LINGO2: variants seen among roughly 807,000 people sequenced by gnomAD.
LINGO2 encodes the protein leucine rich repeat and Ig domain containing 2.
LINGO2 carries 14 observed loss-of-function variants against 30.6 expected under a neutral mutation model. The ratio of observed to expected loss-of-function variants is 0.46; its 90% CI spans 0.30 to 0.72. LINGO2 has a LOEUF of 0.72. LINGO2 is among the 30% of genes least tolerant of loss of function. The pLI is 0.07. For missense variants in LINGO2, 729 were observed against 751.7 expected, an observed-to-expected ratio of 0.97 and a Z score of 0.35; for synonymous variants, 317 against 288.5, an observed-to-expected ratio of 1.10 and a Z score of -1.00.
At chr9:28,139,228 A>C (rs1482019590) in intron 4 of LINGO2, among the ~76,000 whole-genome samples, 4 of 150,716 alleles carry the variant, frequency 2.7e-5, no homozygotes, top group Non-Finnish European at 5.9e-5. Flanking sequence ...CACCAGAGAC[A>C]TAACCCTGGC....
chr9:28,447,184 T>C (rs1444443505), intron 2 of LINGO2, among the ~76,000 whole-genome samples: 1 of 152,212 alleles, frequency 6.6e-6, no homozygotes, highest in Non-Finnish European at 1.5e-5. Flanking sequence ...CTTTTCATAA[T>C]TGCAACTGTT....
chr9:28,054,949 T>C (rs1824853613), intron 4 of LINGO2, among the ~76,000 whole-genome samples: 1 of 152,098 alleles, frequency 6.6e-6, no homozygotes, highest in Non-Finnish European at 1.5e-5. Flanking sequence ...ACAGTCTTCT[T>C]TCCTCTTAAA....
At chr9:28,451,687 A>T (rs1824653373) in intron 2 of LINGO2, among the ~76,000 whole-genome samples, 1 of 151,746 alleles carries the variant, frequency 6.6e-6, no homozygotes, top group Non-Finnish European at 1.5e-5. Context: ...AAATCTAAGT[A>T]TCTATGTTTG....
At chr9:28,773,091 C>T in the LINGO2 span, among the ~76,000 whole-genome samples, 3 of 152,166 alleles carry the variant, frequency 2.0e-5, no homozygotes, top group South Asian at 2.1e-4. Flanking sequence ...TACGGCCGGG[C>T]GCGGTGGCTC....
At chr9:28,221,078 T>A (rs904450449) in intron 4 of LINGO2, among the ~76,000 whole-genome samples, 1 of 151,994 alleles carries the variant, frequency 6.6e-6, no homozygotes, top group African/African-American at 2.4e-5. Flanking sequence ...GGCGGGTGGA[T>A]CACGAGGTCA....
chr9:29,043,105 G>A, the LINGO2 span, among the ~76,000 whole-genome samples: 2 of 151,838 alleles, frequency 1.3e-5, no homozygotes, highest in African/African-American at 4.8e-5. Context: ...AAAAACAACA[G>A]CAAGAAAAAG....
intron 4 of LINGO2, among the ~76,000 whole-genome samples, chr9:28,272,563 C>T (rs1379299206): frequency 6.6e-6 from 1 of 151,986 alleles, no homozygotes; most frequent in Non-Finnish European, 1.5e-5. Flanking sequence ...ACTCAATTTA[C>T]AAATCATTAG....
At chr9:28,503,513 C>A (rs552120389) in intron 1 of LINGO2, among the ~76,000 whole-genome samples, 1 of 151,812 alleles carries the variant, frequency 6.6e-6, no homozygotes, top group African/African-American at 2.4e-5. Context: ...CAAAAGGCTT[C>A]TTTTATTATT....
At chr9:28,814,121 A>C in the LINGO2 span, among the ~76,000 whole-genome samples, 1 of 152,318 alleles carries the variant, frequency 6.6e-6, no homozygotes, top group South Asian at 2.1e-4. Context: ...CCAGACTCAA[A>C]TCACACATGT....
At chr9:28,302,601 G>T (rs1033754802) in intron 3 of LINGO2, among the ~76,000 whole-genome samples, 1 of 152,142 alleles carries the variant, frequency 6.6e-6, no homozygotes, top group Non-Finnish European at 1.5e-5. Flanking sequence ...AACCCAGGAA[G>T]TTGTGGCTGT....
At chr9:28,410,421 C>T (rs1467579612) in intron 2 of LINGO2, among the ~76,000 whole-genome samples, 1 of 152,054 alleles carries the variant, frequency 6.6e-6, no homozygotes, top group Non-Finnish European at 1.5e-5. Context: ...ACTGCACAGG[C>T]ATAAAAATAA....
intron 5 of LINGO2, among the ~76,000 whole-genome samples, chr9:27,987,082 A>C (rs1291010232): frequency 1.6e-5 from 2 of 128,392 alleles, no homozygotes; most frequent in Non-Finnish European, 3.4e-5. Context: ...ACTTTTCTAC[A>C]TGTCAGTCAA....
chr9:28,054,789 TAA>T (rs1409758560), intron 4 of LINGO2, among the ~76,000 whole-genome samples: 2 of 139,692 alleles, frequency 1.4e-5, no homozygotes, highest in East Asian at 2.1e-4. Flanking sequence ...GGCTATAACT[TAA>T]TTTTTAATTT....
chr9:28,189,265 G>A (rs71480397), intron 4 of LINGO2, among the ~76,000 whole-genome samples: 3,162 of 57,168 alleles, frequency 0.055, 95 homozygotes, highest in Admixed American at 0.086. Flanking sequence ...GGAAGGAAGG[G>A]AGGGAGGAAG....
chr9:28,751,918 T>G, the LINGO2 span, among the ~76,000 whole-genome samples: 2 of 152,022 alleles, frequency 1.3e-5, no homozygotes, highest in Non-Finnish European at 2.9e-5. Flanking sequence ...CCTTTGCCTC[T>G]GACTCAAGAG....
At chr9:29,068,918 T>C in the LINGO2 span, among the ~76,000 whole-genome samples, 4 of 152,020 alleles carry the variant, frequency 2.6e-5, no homozygotes, top group South Asian at 8.3e-4. Context: ...GGGTAATATA[T>C]GTACTTGTTA....
chr9:28,189,050 A>G (rs1237536409), intron 4 of LINGO2, among the ~76,000 whole-genome samples: 1 of 71,194 alleles, frequency 1.4e-5, no homozygotes, highest in East Asian at 5.1e-4. Flanking sequence ...TGGAGGATAT[A>G]TCCCAGAAAA....
chr9:28,160,577 C>T (rs725469), intron 4 of LINGO2, among the ~76,000 whole-genome samples: 2 of 152,120 alleles, frequency 1.3e-5, no homozygotes, highest in African/African-American at 4.8e-5. Flanking sequence ...TCCTGCCCCC[C>T]TTCTGCTCTT....
At chr9:28,770,803 T>A in the LINGO2 span, among the ~76,000 whole-genome samples, 1 of 152,216 alleles carries the variant, frequency 6.6e-6, no homozygotes, top group East Asian at 1.9e-4. Context: ...TTTCTTAGTA[T>A]GAATTTAACA....
Sources: gnomAD v4.1 joint callset for allele counts (sites outside exome capture counted in the v4.1 genomes callset) on GRCh38, gnomAD v4.1.1 for gene constraint, MANE v1.5 for transcripts, NCBI Gene and HGNC (gene_info 2026-07-23, HGNC 2026-07-21) for gene names.